The following NELL1 variants were observed in gnomAD, a reference collection of about 807,000 sequenced individuals.
The protein encoded by NELL1 is neural EGFL like 1, also known as protein kinase C-binding protein NELL1.
In NELL1, 76 loss-of-function variants were observed where a neutral mutation model predicts 107.4. The observed-to-expected ratio is 0.71, with a 90% CI of 0.59 to 0.86. The LOEUF (loss-of-function observed/expected upper bound fraction) is 0.86, where lower values mean the gene tolerates loss of function less well. NELL1 is among the 40% of genes least tolerant of loss of function. NELL1 has a pLI of 0.00. For synonymous variants in NELL1, 353 were observed against 341.2 expected (o/e 1.03, Z -0.38); for missense variants, 1,024 against 1,005.5 (o/e 1.02, Z -0.25).
chr11:21,573,353 C>T lies in NELL1; in HGVS notation c.2326C>T (p.Leu776Phe). 5 of 1,612,406 alleles carry T rather than the reference C, an allele frequency of 3.1e-6. No homozygotes were observed. Among genetic ancestry groups the T allele is most frequent in the Non-Finnish European group, 4.2e-6 (5 of 1,178,950 alleles). ...TCLDSYGVSR[L>F]SGSVWTMAGS... ...CCTGGACAGCTATGGTGTTTCACGGCTTAGTGGCTCAGTGTGGACGATGGC... is the reference window on the plus strand; with the variant it reads ...CCTGGACAGCTATGGTGTTTCACGGTTTAGTGGCTCAGTGTGGACGATGGC... The change falls in exon 19 of 20, where the codon CTT becomes TTT. Residue 776 changes from leucine to phenylalanine, a missense_variant. Transcript: ENST00000357134.
intron 15 of NELL1, among the ~76,000 whole-genome samples, chr11:21,421,818 A>G (rs967514636): frequency 1.3e-5 from 2 of 152,160 alleles, no homozygotes; most frequent in Non-Finnish European, 2.9e-5. Flanking sequence ...AAGTAAGATG[A>G]CCTGACATAC....
chr11:20,807,603 G>T (rs1857412220), intron 3 of NELL1, among the ~76,000 whole-genome samples: 1 of 152,198 alleles, frequency 6.6e-6, no homozygotes, highest in African/African-American at 2.4e-5. Flanking sequence ...AGGTGGTGCA[G>T]CCAGCCAGGT....
chr11:20,926,270 G>T (rs536615006), intron 7 of NELL1, among the ~76,000 whole-genome samples: 4 of 152,060 alleles, frequency 2.6e-5, no homozygotes, highest in Admixed American at 2.6e-4. Context: ...TATTTTTGAA[G>T]GTAAACTGGA....
rs1849215284 is a variant in NELL1 at position 20,872,210 on chromosome 11, G to T, written c.507-13234G>T. ...TTTTTTGGAGACATGGTCTCACTCT[G>T]TTGCCTAGGCTGGAGTGCAGTGGCA... is the stretch of plus-strand genomic sequence containing the variant. On this transcript the variant is annotated intron_variant, in intron 4 of 19. Transcript: ENST00000357134. Among the ~76,000 whole-genome samples, 6 of 132,500 alleles carry T rather than the reference G, an allele frequency of 4.5e-5. No homozygotes were observed. In the South Asian group the frequency reaches 1.2e-3, roughly 27 times the overall value. The allele number at this position is 132,500 out of a possible 152,430, so 86.9% of individuals were successfully genotyped here. A position where few individuals can be genotyped will look rare whatever the true frequency, so the allele number is the denominator to read the frequency against.
chr11:20,807,307 T>C (rs1469829517), intron 3 of NELL1, among the ~76,000 whole-genome samples: 2 of 152,224 alleles, frequency 1.3e-5, no homozygotes, highest in Admixed American at 6.5e-5. Flanking sequence ...TGCAGACTCA[T>C]AGAGGTACCA....
intron 2 of NELL1, among the ~76,000 whole-genome samples, chr11:20,695,362 G>A (rs755764580): frequency 1.3e-5 from 2 of 152,044 alleles, no homozygotes; most frequent in Non-Finnish European, 2.9e-5. Context: ...AGACATCTTT[G>A]CCTGTTCCAT....
intron 13 of NELL1, among the ~76,000 whole-genome samples, chr11:21,195,036 C>T (rs1166540717): frequency 6.6e-6 from 1 of 152,024 alleles, no homozygotes; most frequent in African/African-American, 2.4e-5. Flanking sequence ...TTGGACTTTT[C>T]TTTATTAATT....
chr11:20,707,398 T>C (rs1854994366), intron 2 of NELL1, among the ~76,000 whole-genome samples: 1 of 152,244 alleles, frequency 6.6e-6, no homozygotes, highest in Admixed American at 6.5e-5. Flanking sequence ...CTCAGCTTTG[T>C]TCCATTGCTG....
At chr11:21,534,234 C>A in intron 15 of NELL1, 140 bp from the exon 16 acceptor site, 1 of 886,800 alleles carries the variant, frequency 1.1e-6, no homozygotes, top group South Asian at 1.7e-5. Context: ...ATGGGATTTG[C>A]TTCTTCCAGT....
chr11:20,817,062 T>C (rs1285156382), intron 3 of NELL1, among the ~76,000 whole-genome samples: 1 of 152,194 alleles, frequency 6.6e-6, no homozygotes, highest in Non-Finnish European at 1.5e-5. Context: ...TGAGAATTTT[T>C]ACATCTATGT....
At chr11:21,114,068 A>G (rs938055904) in intron 13 of NELL1, among the ~76,000 whole-genome samples, 1 of 152,058 alleles carries the variant, frequency 6.6e-6, no homozygotes, top group African/African-American at 2.4e-5. Context: ...TTTGTAGATA[A>G]GAAAATGTAC....
chr11:21,131,694 T>A (rs1294023497), intron 13 of NELL1, among the ~76,000 whole-genome samples: 1 of 152,200 alleles, frequency 6.6e-6, no homozygotes, highest in African/African-American at 2.4e-5. Flanking sequence ...TGCAATTTTG[T>A]TTGATTCATA....
intron 3 of NELL1, among the ~76,000 whole-genome samples, chr11:20,787,464 G>A (rs1194358169): frequency 6.6e-6 from 1 of 152,196 alleles, no homozygotes; most frequent in African/African-American, 2.4e-5. Flanking sequence ...CAGGATAAAA[G>A]TATCTAGAGG....
chr11:20,930,976 G>A (rs1006776334), intron 9 of NELL1, among the ~76,000 whole-genome samples: 1 of 152,044 alleles, frequency 6.6e-6, no homozygotes, highest in South Asian at 2.1e-4. Flanking sequence ...ATGATACAAG[G>A]CACCTCTGGT....
At chr11:21,084,173 C>T (rs11025907) in intron 12 of NELL1, among the ~76,000 whole-genome samples, 12 of 151,934 alleles carry the variant, frequency 7.9e-5, no homozygotes, top group East Asian at 1.9e-4. Flanking sequence ...CCACGATTGC[C>T]GTTGCAGATA....
intron 15 of NELL1, among the ~76,000 whole-genome samples, chr11:21,474,846 A>T (rs1371354290): frequency 6.6e-6 from 1 of 152,138 alleles, no homozygotes; most frequent in African/African-American, 2.4e-5. Flanking sequence ...CATAAAATAT[A>T]CTAACTTTAA....
chr11:21,262,655 G>T (rs934999003), intron 14 of NELL1: 1 of 150,252 alleles, frequency 6.7e-6, no homozygotes, highest in East Asian at 2.0e-4. Flanking sequence ...TATGGAATTT[G>T]AGAAGCCCAA....
At chr11:21,372,041 A>C (rs764918425) in intron 15 of NELL1, among the ~76,000 whole-genome samples, 5 of 152,102 alleles carry the variant, frequency 3.3e-5, no homozygotes, top group Non-Finnish European at 7.4e-5. Context: ...GTCAGTGAAC[A>C]ATATTTGCAC....
intron 2 of NELL1, among the ~76,000 whole-genome samples, chr11:20,780,199 T>G (rs1024711151): frequency 6.6e-6 from 1 of 152,180 alleles, no homozygotes; most frequent in Middle Eastern, 3.2e-3. Flanking sequence ...TGTTTCATTT[T>G]CTTGGAGGAT....
Sources: allele counts gnomAD v4.1 joint callset (sites outside exome capture counted in the v4.1 genomes callset), GRCh38; gene constraint gnomAD v4.1.1; transcripts MANE v1.5; gene names NCBI Gene and HGNC (gene_info 2026-07-23, HGNC 2026-07-21).